SKIC8: variants seen among roughly 807,000 people sequenced by gnomAD.
SKIC8 encodes SKI8 subunit of superkiller complex, also known as superkiller complex protein 8.
chr15:78,286,053 T>C, the SKIC8 span: 1 of 1,612,746 alleles, frequency 6.2e-7, no homozygotes, highest in South Asian at 1.1e-5. Flanking sequence ...GGAAACAAAG[T>C]GAGTGTCATC....
the SKIC8 span, chr15:78,283,410 A>C: frequency 1.3e-6 from 2 of 1,586,304 alleles, no homozygotes; most frequent in South Asian, 2.2e-5. Context: ...TCTTTGCAGC[A>C]TAAGCCTGGA....
chr15:78,291,637 T>C, the SKIC8 span: 3 of 152,144 alleles, frequency 2.0e-5, no homozygotes, highest in Non-Finnish European at 1.5e-5. Flanking sequence ...ATGCACTCAG[T>C]TTCCAGACAA....
chr15:78,292,823 A>C, the SKIC8 span: 3 of 1,608,760 alleles, frequency 1.9e-6, no homozygotes, highest in African/African-American at 4.0e-5. Flanking sequence ...ATTTCTTCAC[A>C]AAGAACACAC....
At chr15:78,299,146 G>A in the SKIC8 span, among the ~76,000 whole-genome samples, 2 of 152,194 alleles carry the variant, frequency 1.3e-5, no homozygotes, top group African/African-American at 2.4e-5. Context: ...TTGGCGTAAA[G>A]CGAACCCAGC....
chr15:78,289,951 A>G, the SKIC8 span: 3 of 1,613,336 alleles, frequency 1.9e-6, no homozygotes, highest in Non-Finnish European at 1.7e-6. Flanking sequence ...GTTTCCTTAC[A>G]TATGCAATAC....
the SKIC8 span, chr15:78,292,966 ATT>A: frequency 2.7e-4 from 211 of 784,824 alleles, no homozygotes; most frequent in Non-Finnish European, 3.5e-4. Context: ...GGACTTTAAG[ATT>A]TTTTTTTTTT....
the SKIC8 span, chr15:78,288,782 C>A: frequency 8.7e-6 from 3 of 343,922 alleles, no homozygotes; most frequent in South Asian, 6.7e-5. Context: ...GTAATAAATT[C>A]ACTTGATTAG....
chr15:78,289,646 T>C, the SKIC8 span: 6 of 1,614,110 alleles, frequency 3.7e-6, no homozygotes, highest in South Asian at 1.1e-5. Context: ...AGTTTTCCAG[T>C]TGCAATATCA....
At chr15:78,296,810 G>A in the SKIC8 span, among the ~76,000 whole-genome samples, 26 of 152,262 alleles carry the variant, frequency 1.7e-4, no homozygotes, top group African/African-American at 6.3e-4. Flanking sequence ...GGCTCAGGAT[G>A]TCTTTACAGA....
chr15:78,293,721 T>C, the SKIC8 span, among the ~76,000 whole-genome samples: 1 of 152,232 alleles, frequency 6.6e-6, no homozygotes, highest in African/African-American at 2.4e-5. Context: ...ATACCTACTA[T>C]AGCCTCCATA....
the SKIC8 span, chr15:78,295,420 T>TA: frequency 2.1e-6 from 1 of 470,318 alleles, no homozygotes. Flanking sequence ...TTTTTTTTTG[T>TA]ACAACATCTT....
chr15:78,298,263 C>T, the SKIC8 span, among the ~76,000 whole-genome samples: 10 of 152,184 alleles, frequency 6.6e-5, no homozygotes. Context: ...TTGCGGTAAG[C>T]CAGCTTCCAA....
chr15:78,294,758 T>C, the SKIC8 span: 2 of 543,656 alleles, frequency 3.7e-6, no homozygotes, highest in Middle Eastern at 5.9e-4. Context: ...TTTTAGCTGG[T>C]TGTTCAGGTT....
At chr15:78,293,162 C>T in the SKIC8 span, 3 of 1,613,552 alleles carry the variant, frequency 1.9e-6, no homozygotes, top group Non-Finnish European at 2.5e-6. Context: ...GGGAGAGGCA[C>T]TCACCATTTC....
At chr15:78,289,438 A>G in the SKIC8 span, among the ~76,000 whole-genome samples, 1 of 152,086 alleles carries the variant, frequency 6.6e-6, no homozygotes, top group East Asian at 1.9e-4. Context: ...ACAAAAAAAC[A>G]AAAAAACAAA....
chr15:78,292,203 A>C, the SKIC8 span: 5 of 186,650 alleles, frequency 2.7e-5, no homozygotes, highest in Admixed American at 2.2e-4. Context: ...CAGTGAATGA[A>C]TCAGTTCAGA....
chr15:78,295,023 C>T, the SKIC8 span: 1 of 1,610,078 alleles, frequency 6.2e-7, no homozygotes, highest in Non-Finnish European at 8.5e-7. Flanking sequence ...TTTCAGATGT[C>T]TCACATTGCC....
chr15:78,285,969 T>G, the SKIC8 span: 1 of 1,281,124 alleles, frequency 7.8e-7, no homozygotes, highest in African/African-American at 1.5e-5. Context: ...CTTTAAATGT[T>G]AAGGCAATCT....
At chr15:78,295,913 T>G in the SKIC8 span, 1 of 461,700 alleles carries the variant, frequency 2.2e-6, no homozygotes, top group Non-Finnish European at 3.8e-6. Flanking sequence ...TTTCTTCCTC[T>G]GAACCTAGGG....
Sources: gnomAD v4.1 joint callset for allele counts (sites outside exome capture counted in the v4.1 genomes callset) on GRCh38, gnomAD v4.1.1 for gene constraint, MANE v1.5 for transcripts, NCBI Gene and HGNC (gene_info 2026-07-23, HGNC 2026-07-21) for gene names.